DNAJC15: variants seen among roughly 807,000 people sequenced by gnomAD.
DNAJC15 encodes the protein dnaJ homolog subfamily C member 15.
DNAJC15 carries 27 observed loss-of-function variants against 22.4 expected under a neutral mutation model. That is an observed-to-expected ratio of 1.20 (90% confidence interval 0.89 to 1.66). DNAJC15 has a LOEUF of 1.66. DNAJC15 is among the 40% of genes most tolerant of loss of function. DNAJC15 has a pLI of 0.00. For synonymous variants in DNAJC15, 79 were observed against 63.2 expected, an observed-to-expected ratio of 1.25 and a Z score of -1.19; for missense variants, 208 against 187.1, an observed-to-expected ratio of 1.11 and a Z score of -0.65.
intron 1 of DNAJC15, among the ~76,000 whole-genome samples, chr13:43,052,893 A>C (rs1234414690): frequency 1.3e-5 from 2 of 152,018 alleles, no homozygotes; most frequent in Non-Finnish European, 2.9e-5. Flanking sequence ...TTTTTAGTTT[A>C]ATTAGTTCCC....
At chr13:43,051,257 C>T (rs1053568697) in intron 1 of DNAJC15, among the ~76,000 whole-genome samples, 7 of 152,166 alleles carry the variant, frequency 4.6e-5, no homozygotes, top group African/African-American at 1.4e-4. Context: ...GGATTACAGG[C>T]GTGAGCCACT....
intron 1 of DNAJC15, among the ~76,000 whole-genome samples, chr13:43,034,617 G>T (rs1156846751): frequency 9.8e-6 from 1 of 101,554 alleles, no homozygotes; most frequent in Non-Finnish European, 2.0e-5. Flanking sequence ...ACCCAGCCGA[G>T]ATTGTCCTTT....
At chr13:43,058,676 T>C (rs2040542797) in intron 1 of DNAJC15, among the ~76,000 whole-genome samples, 1 of 152,204 alleles carries the variant, frequency 6.6e-6, no homozygotes, top group African/African-American at 2.4e-5. Context: ...TCAATTGAAA[T>C]TATCACAAAG....
chr13:43,103,564 C>T (rs147941696), intron 5 of DNAJC15, among the ~76,000 whole-genome samples: 6 of 152,190 alleles, frequency 3.9e-5, no homozygotes, highest in African/African-American at 1.4e-4. Flanking sequence ...TAGCCTAGCA[C>T]ATGATCAGTT....
chr13:43,067,977 T>C (rs952378463), intron 2 of DNAJC15, among the ~76,000 whole-genome samples: 4 of 152,194 alleles, frequency 2.6e-5, no homozygotes, highest in Non-Finnish European at 4.4e-5. Context: ...TTCCCATTTC[T>C]GGCATCCTGT....
At chr13:43,048,362 C>T (rs1158330601) in intron 1 of DNAJC15, among the ~76,000 whole-genome samples, 2 of 150,994 alleles carry the variant, frequency 1.3e-5, no homozygotes, top group African/African-American at 4.9e-5. Context: ...TATGGTGGCT[C>T]ATGCCTGTAA....
In DNAJC15 at chr13:43,085,946, A is replaced by G. The variant is rs545335726; in HGVS notation, c.382+108A>G. On this transcript the variant is annotated intron_variant, in intron 5 of 5. Coordinates refer to ENST00000379221, the MANE Select transcript of DNAJC15 (RefSeq NM_013238.3). Reference sequence around the variant, plus strand: ...TAGTTGAGATGGAAGTTTGTGCGCCACATGTATTGTGATTTTTTTCTCATA... The same window carrying G: ...TAGTTGAGATGGAAGTTTGTGCGCCGCATGTATTGTGATTTTTTTCTCATA... The G allele has an allele frequency of 6.5e-5, 62 of 951,262 alleles. No homozygotes were observed. The East Asian group carries it at 1.7e-3, about 26-fold the overall frequency. The allele number at this position is 951,262 out of a possible 1,614,324, so 58.9% of individuals were successfully genotyped here.
intron 5 of DNAJC15, among the ~76,000 whole-genome samples, chr13:43,098,282 T>C (rs771968891): frequency 3.9e-5 from 6 of 152,160 alleles, no homozygotes; most frequent in African/African-American, 7.2e-5. Flanking sequence ...TTATTGAGGC[T>C]TTCTGGAAGT....
chr13:43,112,184 T>G lies in DNAJC15; in HGVS notation c.*4936T>G, dbSNP rs1387759397. On this transcript the variant is annotated 3_prime_UTR_variant, in exon 6 of 6. Coordinates refer to ENST00000379221, the MANE Select transcript of DNAJC15 (RefSeq NM_013238.3). The stretch of plus-strand genomic sequence containing the variant: ...GCAAAAGAATTTATAAAAAGCTCTT[T>G]CTTTTGTATTAAAAACCCTGCTCAA... 6.6e-6 allele frequency: 1 copy of G among 152,230 alleles called. No individual in the cohort carries two copies. Among genetic ancestry groups the G allele is most frequent in the Admixed American group, 6.5e-5 (1 of 15,284 alleles). 9.4% of individuals were successfully genotyped at this position (152,230 alleles called of 1,614,324 possible).
At position 43,046,603 on chromosome 13, in the gene DNAJC15, C is replaced by T. The variant is rs545498221; in HGVS notation, c.109-19083C>T. On this transcript the variant is annotated intron_variant, in intron 1 of 5. Coordinates refer to ENST00000379221, the MANE Select transcript of DNAJC15 (RefSeq NM_013238.3). Reference sequence around the variant, plus strand: ...AGTCAAATCATATATCGCCTGAGAGCACAGGGGGAGGGGCAGTGATTGGGA... The same window carrying T: ...AGTCAAATCATATATCGCCTGAGAGTACAGGGGGAGGGGCAGTGATTGGGA... Among the ~76,000 whole-genome samples the T allele has an allele frequency of 8.5e-5, 13 of 152,224 alleles. No homozygotes were observed. The South Asian group carries it at 2.7e-3, about 32-fold the overall frequency.
At chr13:43,037,795 CAG>C (rs2040435503) in intron 1 of DNAJC15, among the ~76,000 whole-genome samples, 1 of 152,172 alleles carries the variant, frequency 6.6e-6, no homozygotes, top group Non-Finnish European at 1.5e-5. Context: ...CCTCATTTTA[CAG>C]ATGAAGGAAC....
chr13:43,039,573 T>A (rs1047745741), intron 1 of DNAJC15, among the ~76,000 whole-genome samples: 5 of 152,206 alleles, frequency 3.3e-5, no homozygotes, highest in Non-Finnish European at 7.3e-5. Flanking sequence ...AGTTCAGAAC[T>A]TAATTCAGGA....
At chr13:43,033,980 A>T (rs1211040536) in intron 1 of DNAJC15, among the ~76,000 whole-genome samples, 1 of 150,380 alleles carries the variant, frequency 6.6e-6, no homozygotes, top group Non-Finnish European at 1.5e-5. Flanking sequence ...GTGACCCGAG[A>T]TCATGTTATT....
At chr13:43,081,367 C>T (rs1239896476) in intron 4 of DNAJC15, among the ~76,000 whole-genome samples, 2 of 152,078 alleles carry the variant, frequency 1.3e-5, no homozygotes, top group Non-Finnish European at 2.9e-5. Context: ...ACCTGCCATA[C>T]ATCATTTTGC....
At chr13:43,098,196 C>CT (rs2040750581) in intron 5 of DNAJC15, among the ~76,000 whole-genome samples, 2 of 152,084 alleles carry the variant, frequency 1.3e-5, no homozygotes, top group Admixed American at 1.3e-4. Flanking sequence ...AGAAGAAACT[C>CT]TAAGCAGTGA....
chr13:43,064,984 AAG>A (rs1329491600), intron 1 of DNAJC15, among the ~76,000 whole-genome samples: 1 of 147,424 alleles, frequency 6.8e-6, no homozygotes, highest in Non-Finnish European at 1.5e-5. Flanking sequence ...AAAAAAAAAA[AAG>A]AGAATGGATA....
intron 5 of DNAJC15, among the ~76,000 whole-genome samples, chr13:43,089,869 TC>T (rs1390482598): frequency 6.6e-6 from 1 of 152,202 alleles, no homozygotes; most frequent in African/African-American, 2.4e-5. Context: ...AGTGCACAAA[TC>T]ATAACTATAT....
intron 4 of DNAJC15, among the ~76,000 whole-genome samples, chr13:43,079,987 A>G (rs1386475912): frequency 6.6e-6 from 1 of 152,200 alleles, no homozygotes; most frequent in Admixed American, 6.5e-5. Context: ...TCTGTAAAAT[A>G]GAGATAATAG....
rs1320619551 is a variant in DNAJC15 at position 43,108,200 on chromosome 13, T to C, written c.*952T>C. On this transcript the variant is annotated 3_prime_UTR_variant, in exon 6 of 6. Coordinates refer to ENST00000379221, the MANE Select transcript of DNAJC15 (RefSeq NM_013238.3). ...GAATAAGTGGCATAGAGCTAGGCTTTAGAAAAGAAAAATATTCCGATACCA... is the reference window on the plus strand; with the variant it reads ...GAATAAGTGGCATAGAGCTAGGCTTCAGAAAAGAAAAATATTCCGATACCA... 1 of 152,282 alleles carries C rather than the reference T, an allele frequency of 6.6e-6. No individual in the cohort carries two copies. The highest frequency in any genetic ancestry group is 2.4e-5 in the African/African-American group (1 of 41,462). 9.4% of individuals were successfully genotyped at this position (152,282 alleles called of 1,614,324 possible).
Sources: allele counts gnomAD v4.1 joint callset (sites outside exome capture counted in the v4.1 genomes callset), GRCh38; gene constraint gnomAD v4.1.1; transcripts MANE v1.5; gene names NCBI Gene and HGNC (gene_info 2026-07-23, HGNC 2026-07-21).